Variants in STPG2 observed in about 807,000 individuals in gnomAD.
STPG2 encodes the protein sperm tail PG-rich repeat containing 2, also known as sperm-tail PG-rich repeat-containing protein 2.
A neutral mutation model predicts 54.2 loss-of-function variants in STPG2; 56 were observed. The ratio of observed to expected loss-of-function variants is 1.03; its 90% CI spans 0.83 to 1.29. STPG2 has a LOEUF of 1.29. STPG2 is among the 50% of genes most tolerant of loss of function. The probability of loss-of-function intolerance (pLI) is 0.00; values close to 1 mark genes in which losing one functional copy is unlikely to be tolerated. For missense variants in STPG2, 596 were observed against 544.9 expected (o/e 1.09, Z -0.93); for synonymous variants, 200 against 181.8 (o/e 1.10, Z -0.81).
At position 97,704,771 on chromosome 4, in the gene STPG2, C is replaced by T. The variant is rs182765990; in HGVS notation, c.1320+7928G>A. Reference sequence around the variant, plus strand: ...TACAGTATAAAAGTGAGTTTGTAAACGGAGAAGTTTAAGTCACATTCTAAA... The same window carrying T: ...TACAGTATAAAAGTGAGTTTGTAAATGGAGAAGTTTAAGTCACATTCTAAA... On this transcript the variant is annotated intron_variant, in intron 10 of 10. Transcript: ENST00000295268. Among the ~76,000 whole-genome samples, 617 of 152,178 alleles carry T rather than the reference C, an allele frequency of 4.1e-3. 7 individuals carry two copies. The highest frequency in any genetic ancestry group is 0.034 in the Middle Eastern group (10 of 292).
intron 8 of STPG2, among the ~76,000 whole-genome samples, chr4:97,908,317 A>G (rs1020296951): frequency 1.9e-3 from 290 of 152,130 alleles, no homozygotes; most frequent in African/African-American, 6.9e-3. Flanking sequence ...ACAATGAGAT[A>G]CCATCTCACA....
chr4:97,909,222 A>C (rs1731581855), intron 8 of STPG2, among the ~76,000 whole-genome samples: 1 of 151,964 alleles, frequency 6.6e-6, no homozygotes, highest in African/African-American at 2.4e-5. Flanking sequence ...ATAAAAGCAC[A>C]TTATGAACAA....
intron 9 of STPG2, among the ~76,000 whole-genome samples, chr4:97,838,712 T>C (rs1016114640): frequency 6.6e-6 from 1 of 151,506 alleles, no homozygotes. Flanking sequence ...CTAAATCTAT[T>C]TTAGAGCAAA....
intron 9 of STPG2, among the ~76,000 whole-genome samples, chr4:97,781,675 A>C (rs1726620243): frequency 6.6e-6 from 1 of 152,188 alleles, no homozygotes; most frequent in South Asian, 2.1e-4. Context: ...TCAATGCAAA[A>C]ATCATGAATA....
intron 4 of STPG2, among the ~76,000 whole-genome samples, chr4:97,459,411 T>C (rs1302026656): frequency 1.3e-5 from 2 of 151,740 alleles, no homozygotes; most frequent in South Asian, 2.1e-4. Context: ...TCCAGTATCA[T>C]GCAATTCAAA....
chr4:97,890,876 G>A (rs567406512), intron 8 of STPG2, among the ~76,000 whole-genome samples: 2 of 151,746 alleles, frequency 1.3e-5, no homozygotes, highest in Non-Finnish European at 2.9e-5. Flanking sequence ...ATCAGCACAT[G>A]TACAAACTAT....
intron 8 of STPG2, among the ~76,000 whole-genome samples, chr4:97,935,058 T>A (rs535010201): frequency 6.6e-6 from 1 of 152,328 alleles, no homozygotes; most frequent in Non-Finnish European, 1.5e-5. Context: ...TATTCAAGGA[T>A]TCGACTTCTT....
intron 10 of STPG2, among the ~76,000 whole-genome samples, chr4:97,610,450 G>T (rs1733702573): frequency 6.6e-6 from 1 of 151,974 alleles, no homozygotes; most frequent in South Asian, 2.1e-4. Context: ...AATTAACAGG[G>T]CTCAAAACAG....
chr4:98,088,134 G>T (rs1424395357), intron 5 of STPG2, among the ~76,000 whole-genome samples: 1 of 152,180 alleles, frequency 6.6e-6, no homozygotes, highest in Non-Finnish European at 1.5e-5. Context: ...GGGAAATAAT[G>T]CTAAGTTCAG....
chr4:97,737,793 T>C (rs1274712976), intron 9 of STPG2, among the ~76,000 whole-genome samples: 2 of 152,210 alleles, frequency 1.3e-5, no homozygotes, highest in Non-Finnish European at 2.9e-5. Context: ...CTCTTCAGGA[T>C]ATTATCCAGG....
At chr4:98,095,589 T>C (rs1738833382) in intron 5 of STPG2, among the ~76,000 whole-genome samples, 1 of 152,194 alleles carries the variant, frequency 6.6e-6, no homozygotes, top group Non-Finnish European at 1.5e-5. Context: ...CATTATATAA[T>C]GACAAAGTGG....
chr4:97,885,150 A>G (rs1193530774), intron 8 of STPG2, among the ~76,000 whole-genome samples: 1 of 143,020 alleles, frequency 7.0e-6, no homozygotes, highest in East Asian at 2.0e-4. Context: ...AAGTCTAGAC[A>G]GTGTACATTT....
intron 4 of STPG2, among the ~76,000 whole-genome samples, chr4:97,507,789 G>C (rs1462116436): frequency 6.6e-6 from 1 of 152,024 alleles, no homozygotes; most frequent in African/African-American, 2.4e-5. Flanking sequence ...CCTGAATGCA[G>C]AACTTCCATG....
At chr4:97,632,979 CAGGTAGGTAGGT>C (rs1014584777) in intron 10 of STPG2, among the ~76,000 whole-genome samples, 7 of 151,852 alleles carry the variant, frequency 4.6e-5, no homozygotes, top group Non-Finnish European at 7.4e-5. Context: ...AGATAGATGG[CAGGTAGGTAGGT>C]AGGTAGGTAG....
intron 8 of STPG2, among the ~76,000 whole-genome samples, chr4:97,889,763 A>G (rs1419299037): frequency 6.6e-6 from 1 of 152,156 alleles, no homozygotes; most frequent in Non-Finnish European, 1.5e-5. Context: ...GATCTATTGT[A>G]TAACATGGTG....
chr4:97,635,013 A>G (rs1399184609), intron 10 of STPG2, among the ~76,000 whole-genome samples: 2 of 152,160 alleles, frequency 1.3e-5, no homozygotes, highest in Admixed American at 6.6e-5. Context: ...CTCCTCCAGA[A>G]GAGCAACTCC....
At chr4:97,617,651 G>A (rs1437535646) in intron 10 of STPG2, among the ~76,000 whole-genome samples, 1 of 152,082 alleles carries the variant, frequency 6.6e-6, no homozygotes, top group Non-Finnish European at 1.5e-5. Flanking sequence ...GACAGAATAA[G>A]GATATGCTAG....
intron 8 of STPG2, among the ~76,000 whole-genome samples, chr4:97,861,861 C>A (rs1302615815): frequency 2.0e-5 from 3 of 152,016 alleles, no homozygotes; most frequent in Non-Finnish European, 4.4e-5. Flanking sequence ...CCTTTACAGA[C>A]AAGCAAATGC....
chr4:97,456,906 G>GA (rs1729540287), intron 4 of STPG2, among the ~76,000 whole-genome samples: 7 of 101,652 alleles, frequency 6.9e-5, no homozygotes, highest in East Asian at 2.5e-4. Context: ...AAAAAAAAAA[G>GA]AAAATTAAAA....
Sources: allele counts gnomAD v4.1 joint callset (sites outside exome capture counted in the v4.1 genomes callset), GRCh38; gene constraint gnomAD v4.1.1; transcripts MANE v1.5; gene names NCBI Gene and HGNC (gene_info 2026-07-23, HGNC 2026-07-21).